HSD17B10: variants seen among roughly 807,000 people sequenced by gnomAD.
The protein encoded by HSD17B10 is 3-hydroxyacyl-CoA dehydrogenase type-2.
For synonymous variants in HSD17B10, 90 were observed against 85.9 expected, an observed-to-expected ratio of 1.05 and a Z score of -0.26; for missense variants, 87 against 219.4, an observed-to-expected ratio of 0.40 and a Z score of 3.81.
chrX:53,432,726 T>C (rs1375561438), intron 2 of HSD17B10: 3 of 278,897 alleles, frequency 1.1e-5, no homozygotes, highest in African/African-American at 8.4e-5. Flanking sequence ...CACATGCCTG[T>C]AATCCCAGCT....
intron 1 of HSD17B10, 167 bp from the exon 2 acceptor site, chrX:53,434,053 G>A: frequency 1.7e-6 from 1 of 597,764 alleles, no homozygotes; most frequent in Admixed American, 2.7e-5. Context: ...TTGGGACCTC[G>A]GGGGCAGAAG....
Position 53,433,903 on chromosome X carries a change from G to A in HSD17B10, c.28-17C>T, listed in dbSNP as rs781980924. On this transcript the variant is annotated splice_polypyrimidine_tract_variant and intron_variant, in intron 1 of 5. Transcript: ENST00000168216. ...CACCAGGCCCTGTCAAAAGGGACAT[G>A]GTCAGGGTCAGCTGTTACATTGCCC... 8.3e-7 allele frequency: 1 copy of A among 1,205,973 alleles called. No individual in the cohort carries two copies. The highest frequency in any genetic ancestry group is 1.1e-6 in the Non-Finnish European group (1 of 891,839).
At chrX:53,432,522 G>T in intron 2 of HSD17B10, 111 bp from the exon 3 acceptor site, 1 of 663,419 alleles carries the variant, frequency 1.5e-6, no homozygotes, top group Non-Finnish European at 2.4e-6. Context: ...GAAGAGATTT[G>T]TGAGAAGGGA....
At position 53,432,289 on chromosome X, in the gene HSD17B10, C is replaced by G; in HGVS notation, c.315G>C (p.Lys105Asn). The G allele has an allele frequency of 1.7e-6, 2 of 1,211,373 alleles. No individual in the cohort carries two copies. The highest frequency in any genetic ancestry group is 2.2e-6 in the Non-Finnish European group (2 of 895,231). Residue 105 changes from lysine (K) to asparagine (N), a missense_variant, in exon 3 of 6, where the codon AAG becomes AAC. Coordinates refer to ENST00000168216, the MANE Select transcript of HSD17B10 (RefSeq NM_004493.3). ...AGTCTTCCAAGGTATGGGTCTGGCCCTTCTTTAAGTTGTACGTCTTGCTAG... is the reference window on the plus strand; with the variant it reads ...AGTCTTCCAAGGTATGGGTCTGGCCGTTCTTTAAGTTGTACGTCTTGCTAG... ...AVASKTYNLK[K>N]GQTHTLEDFQ...
At chrX:53,433,490 C>T (rs1188859415) in intron 2 of HSD17B10, among the ~76,000 whole-genome samples, 1 of 112,573 alleles carries the variant, frequency 8.9e-6, no homozygotes, top group Non-Finnish European at 1.9e-5. Flanking sequence ...TACATAACTC[C>T]TCCAGGAGAT....
rs782763491 is a variant in HSD17B10 at position 53,434,151 on chromosome X, G to A, written c.27+168C>T. On this transcript the variant is annotated intron_variant, in intron 1 of 5. Coordinates refer to ENST00000168216, the MANE Select transcript of HSD17B10 (RefSeq NM_004493.3). ...AGATAGACAGACAGACAGACAGACA[G>A]ATGCGCCGCGGAGTGCTGACTTTCA... 39 of 583,502 alleles carry A rather than the reference G, an allele frequency of 6.7e-5. No individual in the cohort carries two copies. The East Asian group carries it at 1.4e-3, about 20-fold the overall frequency. The allele number at this position is 583,502 out of a possible 1,213,427, so 48.1% of individuals were successfully genotyped here.
At chrX:53,433,145 A>T (rs938066315) in intron 2 of HSD17B10, 21 of 115,227 alleles carry the variant, frequency 1.8e-4, no homozygotes, top group Non-Finnish European at 3.2e-4. Flanking sequence ...AAAAAAAAAA[A>T]TTAGCTGGGC....
Position 53,434,311 on chromosome X carries a change from C to T in HSD17B10, c.27+8G>A. 8.6e-7 allele frequency: 1 copy of T among 1,168,130 alleles called. No homozygotes were observed. Among genetic ancestry groups the T allele is most frequent in the South Asian group, 1.9e-5 (1 of 52,795 alleles). Reference sequence around the variant, plus strand: ...GAAGGCAAGCAACAGAGGCAAAGAACCTTCTACCTTCACGCTCCGACACGC... The same window carrying T: ...GAAGGCAAGCAACAGAGGCAAAGAATCTTCTACCTTCACGCTCCGACACGC... On this transcript the variant is annotated splice_region_variant and intron_variant, in intron 1 of 5. Transcript: ENST00000168216.
intron 2 of HSD17B10, chrX:53,433,100 C>T (rs2075832284): frequency 8.6e-6 from 1 of 115,919 alleles, no homozygotes; most frequent in African/African-American, 3.3e-5. Flanking sequence ...ACCAGCCCGG[C>T]CAACATGGTG....
chrX:53,432,402 C>T lies in HSD17B10; in HGVS notation c.202G>A (p.Glu68Lys). 8.3e-7 allele frequency: 1 copy of T among 1,206,480 alleles called. No homozygotes were observed. The highest frequency in any genetic ancestry group is 1.1e-6 in the Non-Finnish European group (1 of 892,669). Residue 68 changes from glutamate to lysine, a missense_variant, in exon 3 of 6, where the codon GAG becomes AAG. By Grantham distance (56) the Glu-to-Lys change is moderately conservative. Transcript: ENST00000168216. ...CVFAPADVTS[E>K]KDVQTALALA... Reference sequence around the variant, plus strand: ...GCCAGAGCTGTTTGCACATCCTTCTCAGAGGTCACCTTCAAAGAGAGAAGT... The same window carrying T: ...GCCAGAGCTGTTTGCACATCCTTCTTAGAGGTCACCTTCAAAGAGAGAAGT...
chrX:53,434,374 G>T, upstream of HSD17B10: 1 of 1,166,900 alleles, frequency 8.6e-7, no homozygotes. Flanking sequence ...ACGGGATGGG[G>T]ATGGGGGCGC....
In HSD17B10 at chrX:53,433,726, G is replaced by A. The variant is rs782123415; in HGVS notation, c.188C>T (p.Ala63Val). ...AGGAGAGGTGACCCCACTTACGTCG[G>A]CTGGGGCGAAAACGCAGTTGTTTCC... ...KLGNNCVFAP[A>V]DVTSEKDVQT... Residue 63 changes from alanine (A) to valine (V), a missense_variant, in exon 2 of 6, where the codon GCC becomes GTC. By Grantham distance (64) the Ala-to-Val change is moderately conservative (BLOSUM62 0). Transcript: ENST00000168216. 4 of 1,204,008 alleles carry A rather than the reference G, an allele frequency of 3.3e-6. No homozygotes were observed. The East Asian group carries it at 1.2e-4, about 36-fold the overall frequency.
intron 2 of HSD17B10, 164 bp from the exon 3 acceptor site, chrX:53,432,575 T>G (rs2075829391): frequency 2.0e-6 from 1 of 501,280 alleles, no homozygotes; most frequent in Non-Finnish European, 3.5e-6. Context: ...ATAGGCTGGG[T>G]GCGGTGGCTC....
chrX:53,432,536 GC>G, intron 2 of HSD17B10, 125 bp from the exon 3 acceptor site: 1 of 604,631 alleles, frequency 1.7e-6, no homozygotes, highest in Non-Finnish European at 2.7e-6. Flanking sequence ...GAAGGGAGAG[GC>G]CAAGAGAAAG....
rs782357172 is a variant in HSD17B10 at position 53,432,257 on chromosome X, C to T, written c.347G>A (p.Arg116Gln). ...CTTCCAAGGCCTTACATCAAGAACT[C>T]GCTGGAAGTCTTCCAAGGTATGGGT... is the stretch of plus-strand genomic sequence containing the variant. ...GQTHTLEDFQ[R>Q]VLDVNLMGTF... The change falls in exon 3 of 6, where the codon CGA becomes CAA. Residue 116 changes from arginine to glutamine, a missense_variant. By Grantham distance (43) the Arg-to-Gln change is conservative (BLOSUM62 1). Transcript: ENST00000168216. The T allele has an allele frequency of 5.6e-5, 68 of 1,207,994 alleles. No individual in the cohort carries two copies. The highest frequency in any genetic ancestry group is 1.1e-4 in the Admixed American group (5 of 45,476).
Position 53,431,563 on chromosome X carries a change from G to C in HSD17B10, c.627C>G (p.Leu209=), listed in dbSNP as rs1602426381. 2.5e-6 allele frequency: 3 copies of C among 1,209,310 alleles called. No homozygotes were observed. Among genetic ancestry groups the C allele is most frequent in the Non-Finnish European group, 3.4e-6 (3 of 894,007 alleles). The stretch of plus-strand genomic sequence containing the variant: ...CCAAGAAGTTGCACACTTTCTCTGG[G>C]AGGCTGGTCAGCAGTGGGGTGCCAA... ...GLFGTPLLTS[L]PEKVCNFLAS... The change falls in exon 6 of 6, where the codon CTC becomes CTG. Residue 209 remains leucine (L), a synonymous_variant. Transcript: ENST00000168216.
chrX:53,434,286 G>T, intron 1 of HSD17B10, 33 bp downstream of exon 1: 2 of 1,163,952 alleles, frequency 1.7e-6, no homozygotes, highest in Non-Finnish European at 2.3e-6. Flanking sequence ...GCCCGTAAAG[G>T]AAGGCAAGCA....
Position 53,433,714 on chromosome X carries a change from C to A in HSD17B10, c.192+8G>T. The A allele has an allele frequency of 8.3e-7, 1 of 1,200,521 alleles. No homozygotes were observed. The highest frequency in any genetic ancestry group is 1.1e-6 in the Non-Finnish European group (1 of 889,438). On this transcript the variant is annotated splice_region_variant and intron_variant, in intron 2 of 5. Transcript: ENST00000168216. ...ACACCCTGGGAGAGGAGAGGTGACC[C>A]CACTTACGTCGGCTGGGGCGAAAAC...
chrX:53,434,050 C>T, intron 1 of HSD17B10, 164 bp from the exon 2 acceptor site: 2 of 618,874 alleles, frequency 3.2e-6, no homozygotes, highest in Non-Finnish European at 5.1e-6. Flanking sequence ...GCGTTGGGAC[C>T]TCGGGGGCAG....
Sources: allele counts gnomAD v4.1 joint callset (sites outside exome capture counted in the v4.1 genomes callset), GRCh38; gene constraint gnomAD v4.1.1; transcripts MANE v1.5; gene names NCBI Gene and HGNC (gene_info 2026-07-23, HGNC 2026-07-21).